The following SLC39A5 variants were observed in gnomAD, a reference collection of about 807,000 sequenced individuals.
SLC39A5 encodes zinc transporter ZIP5.
A neutral mutation model predicts 46.9 loss-of-function variants in SLC39A5; 42 were observed. The observed-to-expected ratio is 0.90, with a 90% CI of 0.70 to 1.16. The LOEUF is 1.16. Ranked by LOEUF, SLC39A5 falls within the 50% of genes most tolerant of loss-of-function variation. The pLI is 0.00. For synonymous variants in SLC39A5, 311 were observed against 323.1 expected (o/e 0.96, Z 0.40); for missense variants, 677 against 686.8 (o/e 0.99, Z 0.16).
In SLC39A5 at chr12:56,235,581, G is replaced by A; in HGVS notation, c.826G>A (p.Gly276Arg). Residue 276 changes from glycine (G) to arginine (R), a missense_variant, in exon 8 of 13, where the codon GGA (glycine) becomes AGA (arginine). Gly to Arg is a moderately radical substitution (Grantham distance 125). Transcript: ENST00000454355. ...LPHAQEGRHA[G>R]PGGLPEKDLG... ...TCAGGCACAAGAAGGGCGGCACGCA[G>A]GACCTGGCGGACTACCAGAGAAGGA... 3 of 1,614,136 alleles carry A rather than the reference G, an allele frequency of 1.9e-6. No homozygotes were observed. Among genetic ancestry groups the A allele is most frequent in the Non-Finnish European group, 2.5e-6 (3 of 1,180,046 alleles).
rs146231478 is a variant in SLC39A5 at position 56,235,803 on chromosome 12, G to A, written c.945+103G>A. ...CTCACGCCTGTAATCCCAGCACTTTGGGAGCCCAAGGCGGGCAGATCACAA... is the reference window on the plus strand; with the variant it reads ...CTCACGCCTGTAATCCCAGCACTTTAGGAGCCCAAGGCGGGCAGATCACAA... On this transcript the variant is annotated intron_variant, in intron 8 of 12. Coordinates refer to ENST00000454355, the MANE Select transcript of SLC39A5 (RefSeq NM_173596.3). The A allele has an allele frequency of 3.3e-4, 484 of 1,478,988 alleles. 2 individuals carry two copies. In the African/African-American group the frequency reaches 6.2e-3, roughly 19 times the overall value. The allele number at this position is 1,478,988 out of a possible 1,614,324, so 91.6% of individuals were successfully genotyped here.
rs1870187766 is a variant in SLC39A5 at position 56,231,337 on chromosome 12, G to C, written c.63G>C (p.Trp21Cys). ...TCTGTGTGTGGGTCGTCTTGGGCTG[G>C]GTAGGGGGCTCAGTCCCCAACCTGG... ...AGFCVWVVLG[W>C]VGGSVPNLGP... The change falls in exon 4 of 13, where the codon TGG (tryptophan) becomes TGC (cysteine). Residue 21 changes from tryptophan (W) to cysteine (C), a missense_variant. Trp to Cys is a radical substitution (Grantham distance 215). Coordinates refer to ENST00000454355, the MANE Select transcript of SLC39A5 (RefSeq NM_173596.3). 6.2e-7 allele frequency: 1 copy of C among 1,613,716 alleles called. No homozygotes were observed. Among genetic ancestry groups the C allele is most frequent in the Non-Finnish European group, 8.5e-7 (1 of 1,179,948 alleles).
chr12:56,231,058 G>T, intron 3 of SLC39A5, 146 bp from the exon 4 acceptor site: 1 of 514,746 alleles, frequency 1.9e-6, no homozygotes, highest in Non-Finnish European at 3.4e-6. Flanking sequence ...GGCTGCTCCC[G>T]CAGGAGGCAG....
In SLC39A5 at chr12:56,231,407, G is replaced by C; in HGVS notation, c.133G>C (p.Gly45Arg). Residue 45 changes from glycine (G) to arginine (R), a missense_variant, in exon 4 of 13, where the codon GGC becomes CGC. By Grantham distance (125) the Gly-to-Arg change is moderately radical. Coordinates refer to ENST00000454355, the MANE Select transcript of SLC39A5 (RefSeq NM_173596.3). ...EQNHYLAQLF[G>R]LYGENGTLTA... ...GAACCATTACCTGGCCCAGCTGTTT[G>C]GCCTGTACGGCGAGAATGGGACGCT... 1 of 1,614,152 alleles carries C rather than the reference G, an allele frequency of 6.2e-7. No individual in the cohort carries two copies. The highest frequency in any genetic ancestry group is 8.5e-7 in the Non-Finnish European group (1 of 1,180,020).
At chr12:56,233,122 G>T (rs1362284470) in intron 5 of SLC39A5, among the ~76,000 whole-genome samples, 1 of 151,890 alleles carries the variant, frequency 6.6e-6, no homozygotes, top group Non-Finnish European at 1.5e-5. Context: ...AATTAGCCGG[G>T]TGTGGTAACA....
In SLC39A5 at chr12:56,231,369, C is replaced by A; in HGVS notation, c.95C>A (p.Ala32Asp). 6.2e-7 allele frequency: 1 copy of A among 1,614,066 alleles called. No homozygotes were observed. The highest frequency in any genetic ancestry group is 1.1e-5 in the South Asian group (1 of 91,082). The change falls in exon 4 of 13, where the codon GCT becomes GAT. Residue 32 changes from alanine (A) to aspartate (D), a missense_variant. Physicochemically the swap from Ala to Asp is moderately radical, Grantham distance 126. Transcript: ENST00000454355. ...VGGSVPNLGP[A>D]EQEQNHYLAQ... is the part of the protein sequence containing the mutation. ...GGCTCAGTCCCCAACCTGGGCCCTG[C>A]TGAGCAGGAGCAGAACCATTACCTG...
Position 56,231,286 on chromosome 12 carries a change from C to T in SLC39A5, c.12C>T (p.Ser4=). 6.2e-7 allele frequency: 1 copy of T among 1,607,070 alleles called. No homozygotes were observed. The highest frequency in any genetic ancestry group is 8.5e-7 in the Non-Finnish European group (1 of 1,176,302). MMG[S]PVSHLLAGFC... is the part of the protein sequence containing the mutation. ...TATTCCCCTCACCAATGATGGGGTC[C>T]CCAGTGAGTCATCTGCTGGCCGGCT... Residue 4 remains serine (S), a synonymous_variant, in exon 4 of 13, where the codon TCC becomes TCT. Coordinates refer to ENST00000454355, the MANE Select transcript of SLC39A5 (RefSeq NM_173596.3).
rs762062457 is a variant in SLC39A5 at position 56,232,736 on chromosome 12, TGGGTCCCTCA to T, written c.340_349del (p.Pro114GlyfsTer38). 6.2e-7 allele frequency: 1 copy of T among 1,612,372 alleles called. No individual in the cohort carries two copies. The highest frequency in any genetic ancestry group is 1.1e-5 in the South Asian group (1 of 90,856). On this transcript the variant is annotated frameshift_variant, in exon 5 of 13. Transcript: ENST00000454355. LOFTEE classifies it high-confidence loss of function. The stretch of plus-strand genomic sequence containing the variant: ...GTGGATGTCTGGGCAGGGATGCCTC[TGGGTCCCTCA>T]GGGTGGGGTGACCTGGAAGAGTCAA...
At chr12:56,234,179 A>C (rs1870499955) in intron 5 of SLC39A5, among the ~76,000 whole-genome samples, 1 of 151,446 alleles carries the variant, frequency 6.6e-6, no homozygotes, top group Non-Finnish European at 1.5e-5. Context: ...GTAGAGTCTG[A>C]CTCTGTCACC....
At chr12:56,231,693 T>A in intron 4 of SLC39A5, 132 bp downstream of exon 4, 1 of 942,936 alleles carries the variant, frequency 1.1e-6, no homozygotes, top group African/African-American at 1.7e-5. Flanking sequence ...AGCTCCTTGG[T>A]ATCTCTTCAA....
At chr12:56,231,085 A>C (rs1870155848) in intron 3 of SLC39A5, 119 bp from the exon 4 acceptor site, 2 of 573,804 alleles carry the variant, frequency 3.5e-6, no homozygotes, top group Non-Finnish European at 6.0e-6. Flanking sequence ...GGGAGAAAGA[A>C]GGCTGCAGTA....
chr12:56,235,295 G>T lies in SLC39A5; in HGVS notation c.773G>T (p.Cys258Phe). Residue 258 changes from cysteine to phenylalanine, a missense_variant, in exon 7 of 13, where the codon TGT becomes TTT. Transcript: ENST00000454355. ...FLGALAVGTL[C>F]GDALLHLLPH... Reference sequence around the variant, plus strand: ...GGGGCCCTGGCGGTGGGCACTCTTTGTGGGGATGCACTGCTACATCTGCTA... The same window carrying T: ...GGGGCCCTGGCGGTGGGCACTCTTTTTGGGGATGCACTGCTACATCTGCTA... 1 of 1,541,660 alleles carries T rather than the reference G, an allele frequency of 6.5e-7. No homozygotes were observed. Among genetic ancestry groups the T allele is most frequent in the Non-Finnish European group, 8.7e-7 (1 of 1,151,700 alleles).
At chr12:56,236,336 T>G in intron 8 of SLC39A5, 60 bp from the exon 9 acceptor site, 1 of 1,510,506 alleles carries the variant, frequency 6.6e-7, no homozygotes. Flanking sequence ...GTGGCCTGGC[T>G]TCCCCTTAGT....
chr12:56,233,675 A>G (rs1348650191), intron 5 of SLC39A5, among the ~76,000 whole-genome samples: 6 of 152,098 alleles, frequency 3.9e-5, no homozygotes, highest in African/African-American at 1.4e-4. Context: ...ACCTGCAGGG[A>G]ATGGATGGCT....
intron 8 of SLC39A5, chr12:56,235,953 G>A: frequency 1.9e-6 from 1 of 516,264 alleles, no homozygotes; most frequent in South Asian, 2.2e-5. Context: ...TGAGGCAGGA[G>A]AATCGCTTGA....
intron 5 of SLC39A5, 68 bp from the exon 6 acceptor site, chr12:56,234,756 G>A (rs1456606697): frequency 6.4e-7 from 1 of 1,561,408 alleles, no homozygotes; most frequent in Non-Finnish European, 8.8e-7. Flanking sequence ...CACTACACCT[G>A]GCCAGGTGTT....
intron 5 of SLC39A5, among the ~76,000 whole-genome samples, chr12:56,234,573 C>G (rs1019030778): frequency 1.3e-5 from 2 of 152,042 alleles, no homozygotes; most frequent in Non-Finnish European, 2.9e-5. Flanking sequence ...CCTCAGCCTC[C>G]CAAAGTGCTG....
At chr12:56,236,164 G>A (rs1199220645) in intron 8 of SLC39A5, among the ~76,000 whole-genome samples, 2 of 152,224 alleles carry the variant, frequency 1.3e-5, no homozygotes, top group Non-Finnish European at 2.9e-5. Context: ...GGAGTGGGTA[G>A]GGGCTCCTTA....
chr12:56,234,745 C>A, intron 5 of SLC39A5, 79 bp from the exon 6 acceptor site: 1 of 1,495,502 alleles, frequency 6.7e-7, no homozygotes, highest in Non-Finnish European at 9.3e-7. Flanking sequence ...TAGGTGTGAG[C>A]CACTACACCT....
Sources: gnomAD v4.1 joint callset for allele counts (sites outside exome capture counted in the v4.1 genomes callset) on GRCh38, gnomAD v4.1.1 for gene constraint, MANE v1.5 for transcripts, NCBI Gene and HGNC (gene_info 2026-07-23, HGNC 2026-07-21) for gene names.